Variants in ERCC3 observed in about 807,000 individuals in gnomAD.
The protein encoded by ERCC3 is ERCC excision repair 3, TFIIH core complex helicase subunit, also known as general transcription and DNA repair factor IIH helicase/translocase subunit XPB.
A neutral mutation model predicts 94.2 loss-of-function variants in ERCC3; 66 were observed. The observed-to-expected ratio is 0.70, with a 90% CI of 0.57 to 0.86. The LOEUF (loss-of-function observed/expected upper bound fraction) is 0.86. Ranked by LOEUF, ERCC3 falls within the 40% of genes least tolerant of loss-of-function variation. The pLI is 0.00. For synonymous variants in ERCC3, 349 were observed against 369.1 expected (o/e 0.95, Z 0.63); for missense variants, 829 against 987.1 (o/e 0.84, Z 2.15).
chr2:127,272,852 A>G lies in ERCC3; in HGVS notation c.1827+13T>C. ...GCTAGGGGCCTCACCTCCACCCCATATGCCACACAAACCTTGGATATGAAG... is the reference window on the plus strand; with the variant it reads ...GCTAGGGGCCTCACCTCCACCCCATGTGCCACACAAACCTTGGATATGAAG... On this transcript the variant is annotated intron_variant, in intron 11 of 14. Transcript: ENST00000285398. The G allele has an allele frequency of 6.3e-7, 1 of 1,585,520 alleles. No individual in the cohort carries two copies. Among genetic ancestry groups the G allele is most frequent in the South Asian group, 1.1e-5 (1 of 90,498 alleles).
At chr2:127,268,463 A>G (rs1684450909) in intron 12 of ERCC3, among the ~76,000 whole-genome samples, 1 of 151,892 alleles carries the variant, frequency 6.6e-6, no homozygotes, top group Non-Finnish European at 1.5e-5. Flanking sequence ...GGGTTTCATC[A>G]TGTTGCCCAG....
rs367743028 is a variant in ERCC3 at position 127,287,028 on chromosome 2, C to T, written c.1028-11G>A. On this transcript the variant is annotated splice_polypyrimidine_tract_variant and intron_variant, in intron 7 of 14. Coordinates refer to ENST00000285398, the MANE Select transcript of ERCC3 (RefSeq NM_000122.2). ...GGGACTTTCCAGCACCTACAAGAAA[C>T]AAGAGTGCAATCCCACCCAAGGACA... 2 of 1,606,096 alleles carry T rather than the reference C, an allele frequency of 1.2e-6. No homozygotes were observed. The highest frequency in any genetic ancestry group is 1.7e-6 in the Non-Finnish European group (2 of 1,177,358).
Position 127,261,505 on chromosome 2 carries a change from A to G in ERCC3, c.1946-159T>C, listed in dbSNP as rs55951604. 6.5e-4 allele frequency: 459 copies of G among 704,678 alleles called. 4 individuals carry two copies. The African/African-American group carries it at 7.0e-3, about 11-fold the overall frequency. The allele number at this position is 704,678 out of a possible 1,614,324, so 43.7% of individuals were successfully genotyped here. On this transcript the variant is annotated intron_variant, in intron 12 of 14. Transcript: ENST00000285398. The stretch of plus-strand genomic sequence containing the variant: ...GGCATGGGATTGCATCAAAATTTGG[A>G]AGTCTTTTGTGCTTCCAAGGACACC...
intron 7 of ERCC3, 90 bp from the exon 8 acceptor site, chr2:127,287,107 G>A (rs1573957950): frequency 1.0e-6 from 1 of 1,000,534 alleles, no homozygotes; most frequent in Non-Finnish European, 1.5e-6. Flanking sequence ...CAGCAATCTA[G>A]GAAAATGTCT....
intron 8 of ERCC3, among the ~76,000 whole-genome samples, chr2:127,285,850 C>CAAA (rs899304227): frequency 6.6e-5 from 9 of 136,200 alleles, no homozygotes; most frequent in Non-Finnish European, 1.4e-4. Context: ...GATGCCATCT[C>CAAA]AAAAAAAAAA....
intron 1 of ERCC3, 122 bp from the exon 2 acceptor site, chr2:127,293,840 G>T: frequency 6.3e-7 from 1 of 1,578,358 alleles, no homozygotes. Flanking sequence ...GCATCCCGCA[G>T]GCGTTGCGCC....
At position 127,293,776 on chromosome 2, in the gene ERCC3, C is replaced by A. The variant is rs1685365438; in HGVS notation, c.29-58G>T. The stretch of plus-strand genomic sequence containing the variant: ...AGGAGCCTTCAGGGTTCCCTCCGCA[C>A]CGCTTGGCAGCATTTCACCTGCGCC... On this transcript the variant is annotated intron_variant, in intron 1 of 14. Transcript: ENST00000285398. The A allele has an allele frequency of 4.4e-6, 7 of 1,603,404 alleles. No homozygotes were observed. The South Asian group carries it at 7.7e-5, about 18-fold the overall frequency.
Position 127,280,560 on chromosome 2 carries a change from G to A in ERCC3, c.1414C>T (p.Arg472Cys), listed in dbSNP as rs1225262521. ...CKLGLTATLV[R>C]EDDKIVDLNF... is the part of the protein sequence containing the mutation. The stretch of plus-strand genomic sequence containing the variant: ...AAATCCACAATTTTGTCATCTTCGC[G>A]GACGAGGGTCGCAGTCAAACCCAGC... Residue 472 changes from arginine to cysteine, a missense_variant, in exon 9 of 15, where the codon CGC (arginine) becomes TGC (cysteine). Physicochemically the swap from Arg to Cys is radical, Grantham distance 180. Coordinates refer to ENST00000285398, the MANE Select transcript of ERCC3 (RefSeq NM_000122.2). The surrounding 1 kb of genome is among the most constrained non-coding windows in gnomAD (Gnocchi z 6.3). 11 of 1,614,130 alleles carry A rather than the reference G, an allele frequency of 6.8e-6. No individual in the cohort carries two copies. Among genetic ancestry groups the A allele is most frequent in the Middle Eastern group, 1.7e-4 (1 of 6,052 alleles).
intron 8 of ERCC3, among the ~76,000 whole-genome samples, chr2:127,281,459 G>A (rs1684908404): frequency 6.6e-6 from 1 of 152,104 alleles, no homozygotes; most frequent in South Asian, 2.1e-4. Flanking sequence ...CACATAAAGG[G>A]TATGAGTTAT....
chr2:127,288,677 A>T lies in ERCC3; in HGVS notation c.1010T>A (p.Val337Asp). Residue 337 changes from valine (V) to aspartate (D), a missense_variant, in exon 7 of 15, where the codon GTC becomes GAC. By Grantham distance (152) the Val-to-Asp change is radical. Transcript: ENST00000285398. ...MFGNGRARSG[V>D]IVLPCGAGKS... Reference sequence around the variant, plus strand: ...CCACTTACCGCAGGGAAGAACAATGACCCCCGAACGTGCACGCCCGTTTCC... The same window carrying T: ...CCACTTACCGCAGGGAAGAACAATGTCCCCCGAACGTGCACGCCCGTTTCC... 1 of 1,613,896 alleles carries T rather than the reference A, an allele frequency of 6.2e-7. No individual in the cohort carries two copies. Among genetic ancestry groups the T allele is most frequent in the Non-Finnish European group, 8.5e-7 (1 of 1,179,958 alleles).
At chr2:127,290,016 G>C in intron 4 of ERCC3, 192 bp from the exon 5 acceptor site, 4 of 795,882 alleles carry the variant, frequency 5.0e-6, no homozygotes, top group South Asian at 5.0e-5. Flanking sequence ...CAAGTAGGCA[G>C]GGGCCTGAGC....
At chr2:127,260,330 C>G (rs1403623400) in intron 13 of ERCC3, 2 of 152,414 alleles carry the variant, frequency 1.3e-5, no homozygotes, top group East Asian at 3.9e-4. Context: ...ACCTGGTGCT[C>G]CTCTTACCCT....
chr2:127,265,005 G>A (rs1194401836), intron 12 of ERCC3, among the ~76,000 whole-genome samples: 1 of 151,950 alleles, frequency 6.6e-6, no homozygotes, highest in African/African-American at 2.4e-5. Flanking sequence ...ACGCCACCAA[G>A]CCCACCTAGT....
At chr2:127,276,661 A>G (rs1264168924) in intron 10 of ERCC3, among the ~76,000 whole-genome samples, 3 of 152,232 alleles carry the variant, frequency 2.0e-5, no homozygotes, top group Non-Finnish European at 4.4e-5. Flanking sequence ...AAATTCCAAG[A>G]AGGGACTACA....
At chr2:127,283,397 T>C (rs549810549) in intron 8 of ERCC3, among the ~76,000 whole-genome samples, 3 of 152,224 alleles carry the variant, frequency 2.0e-5, no homozygotes, top group Non-Finnish European at 2.9e-5. Context: ...TTGAGATTCA[T>C]CCAGGTTGCA....
rs774181315 is a variant in ERCC3, at chr2:127,271,355, C to T, written c.1926G>A (p.Arg642=). The change falls in exon 12 of 15, where the codon CGG becomes CGA. Residue 642 remains arginine (R), a synonymous_variant. Transcript: ENST00000285398. The surrounding 1 kb of genome is among the most constrained non-coding windows in gnomAD (Gnocchi z 5.0). ...CTTTACCTTTTTTAGCTCGAAGCAC[C>T]CGCCCTAGCCTTTGGGCTTCCTGAC... ...SRRQEAQRLG[R]VLRAKKGMVA... 2 of 1,613,678 alleles carry T rather than the reference C, an allele frequency of 1.2e-6. No individual in the cohort carries two copies. Among genetic ancestry groups the T allele is most frequent in the Non-Finnish European group, 1.7e-6 (2 of 1,179,572 alleles).
At chr2:127,261,871 T>C (rs1684200311) in intron 12 of ERCC3, 2 of 186,066 alleles carry the variant, frequency 1.1e-5, no homozygotes, top group South Asian at 1.1e-4. Context: ...CCCGCATGCA[T>C]TGCTGTTGAG....
chr2:127,259,139 A>G lies in ERCC3; in HGVS notation c.2217+157T>C, dbSNP rs1684111028. Among the ~76,000 whole-genome samples the G allele has an allele frequency of 6.6e-6, 1 of 152,234 alleles. No individual in the cohort carries two copies. The highest frequency in any genetic ancestry group is 1.5e-5 in the Non-Finnish European group (1 of 68,040). On this transcript the variant is annotated intron_variant, in intron 14 of 14. Transcript: ENST00000285398. This position sits in a 1 kb window ranked among gnomAD's most constrained non-coding sequence, Gnocchi z 4.9. ...TACAAGGGGCACACACCAAAAGGGCAACAAGGATTGTTTCTGTTCATCTCT... is the reference window on the plus strand; with the variant it reads ...TACAAGGGGCACACACCAAAAGGGCGACAAGGATTGTTTCTGTTCATCTCT...
At position 127,292,737 on chromosome 2, in the gene ERCC3, T is replaced by C; in HGVS notation, c.344A>G (p.Glu115Gly). ...EPVCRPTHVH[E>G]YKLTAYSLYA... is the part of the protein sequence containing the mutation. ...CAAGGAGTAGGCAGTTAGTTTGTAC[T>C]CATGCACATGGGTTGGTCGGCACAC... Residue 115 changes from glutamate to glycine, a missense_variant, in exon 3 of 15, where the codon GAG becomes GGG. Physicochemically the swap from Glu to Gly is moderately conservative, Grantham distance 98 (BLOSUM62 -2). Transcript: ENST00000285398. The C allele has an allele frequency of 6.2e-7, 1 of 1,613,924 alleles. No individual in the cohort carries two copies. The highest frequency in any genetic ancestry group is 8.5e-7 in the Non-Finnish European group (1 of 1,179,860).
Sources: gnomAD v4.1 joint callset for allele counts (sites outside exome capture counted in the v4.1 genomes callset) on GRCh38, gnomAD v4.1.1 for gene constraint, Gnocchi (gnomAD v3.1) non-coding constraint, MANE v1.5 for transcripts, NCBI Gene and HGNC (gene_info 2026-07-23, HGNC 2026-07-21) for gene names.